Variants in PCDHGA4 observed in about 807,000 individuals in gnomAD.
The protein encoded by PCDHGA4 is protocadherin gamma-A4.
A neutral mutation model predicts 54.6 loss-of-function variants in PCDHGA4; 38 were observed. The observed-to-expected ratio is 0.70, with a 90% CI of 0.54 to 0.91. The LOEUF (loss-of-function observed/expected upper bound fraction) is 0.91, where lower values mean the gene tolerates loss of function less well. Among genes scored for constraint, PCDHGA4 ranks in the 40% least tolerant of loss-of-function variants. The pLI is 0.00. For missense variants in PCDHGA4, 1,298 were observed against 1,220.9 expected (o/e 1.06, Z -0.94); for synonymous variants, 511 against 512.9 (o/e 1.00, Z 0.05).
Position 141,511,042 on chromosome 5 carries a change from G to C in PCDHGA4, c.2758G>C (p.Asp920His), listed in dbSNP as rs774071540. Residue 920 changes from aspartate (D) to histidine (H), a missense_variant, in exon 4 of 4, where the codon GAC becomes CAC. Transcript: ENST00000571252. Reference sequence around the variant, plus strand: ...CCAGTTCACCCTGCAGCACGTGCCCGACTACCGCCAGAATGTCTACATCCC... The same window carrying C: ...CCAGTTCACCCTGCAGCACGTGCCCCACTACCGCCAGAATGTCTACATCCC... ...GPQFTLQHVP[D>H]YRQNVYIPGS... 6.2e-7 allele frequency: 1 copy of C among 1,614,182 alleles called. No homozygotes were observed. Among genetic ancestry groups the C allele is most frequent in the South Asian group, 1.1e-5 (1 of 91,084 alleles).
intron 1 of PCDHGA4, chr5:141,400,105 T>C (rs1282646842): frequency 6.2e-7 from 1 of 1,613,938 alleles, no homozygotes; most frequent in Non-Finnish European, 8.5e-7. Context: ...GCACTTGGTC[T>C]TTGCTGACAG....
intron 1 of PCDHGA4, chr5:141,366,719 G>A: frequency 6.2e-7 from 1 of 1,613,834 alleles, no homozygotes; most frequent in Non-Finnish European, 8.5e-7. Flanking sequence ...GTCTGATAAG[G>A]TAGATGCAAA....
chr5:141,383,234 A>G, intron 1 of PCDHGA4: 2 of 1,613,960 alleles, frequency 1.2e-6, no homozygotes, highest in Non-Finnish European at 1.7e-6. Flanking sequence ...CTGATGGAAG[A>G]TAAAATGAAT....
At chr5:141,390,969 G>A (rs1232299434) in intron 1 of PCDHGA4, 5 of 152,168 alleles carry the variant, frequency 3.3e-5, no homozygotes, top group African/African-American at 4.8e-5. Flanking sequence ...TGTAACATAG[G>A]AGTTTCAGGA....
At chr5:141,372,341 A>T in intron 1 of PCDHGA4, 1 of 1,613,800 alleles carries the variant, frequency 6.2e-7, no homozygotes, top group Non-Finnish European at 8.5e-7. Context: ...TGCGTGATGG[A>T]GGACAGCAGC....
rs1011731430 is a variant in PCDHGA4, at chr5:141,489,676, G to A, written c.2515-5131G>A. 6.2e-7 allele frequency: 1 copy of A among 1,614,158 alleles called. No individual in the cohort carries two copies. The highest frequency in any genetic ancestry group is 8.5e-7 in the Non-Finnish European group (1 of 1,180,008). On this transcript the variant is annotated intron_variant, in intron 1 of 3. Coordinates refer to ENST00000571252, the MANE Select transcript of PCDHGA4 (RefSeq NM_018917.4). This position sits in a 1 kb window ranked among gnomAD's most constrained non-coding sequence, Gnocchi z 4.5. ...GCGAGAGATGCGCATCTCAGAATCAGCAGCATCTGGGGCACGATTCCCACT... is the reference window on the plus strand; with the variant it reads ...GCGAGAGATGCGCATCTCAGAATCAACAGCATCTGGGGCACGATTCCCACT...
intron 1 of PCDHGA4, chr5:141,384,132 C>T (rs1290502346): frequency 6.2e-7 from 1 of 1,611,710 alleles, no homozygotes; most frequent in Non-Finnish European, 8.5e-7. Context: ...AAAACTTGGA[C>T]CGGGAAACAC....
chr5:141,444,467 G>C (rs1288596542), intron 1 of PCDHGA4, among the ~76,000 whole-genome samples: 2 of 151,998 alleles, frequency 1.3e-5, no homozygotes, highest in Admixed American at 6.6e-5. Flanking sequence ...CACTGCGCCC[G>C]GTCGCGTACT....
intron 1 of PCDHGA4, among the ~76,000 whole-genome samples, chr5:141,464,630 T>C (rs981288560): frequency 1.3e-5 from 2 of 152,176 alleles, no homozygotes; most frequent in African/African-American, 4.8e-5. Context: ...AGCTTTTTAA[T>C]TGTTGCCAAC....
intron 1 of PCDHGA4, among the ~76,000 whole-genome samples, chr5:141,488,510 G>A (rs910546464): frequency 1.3e-5 from 2 of 152,152 alleles, no homozygotes; most frequent in Non-Finnish European, 2.9e-5. Context: ...TCCACATTTG[G>A]GGTCTGGGGT....
intron 1 of PCDHGA4, chr5:141,398,283 G>A (rs1470207042): frequency 7.2e-7 from 1 of 1,396,846 alleles, no homozygotes; most frequent in East Asian, 2.5e-5. Context: ...ACCTCGCCAC[G>A]GACCTGGGGT....
intron 1 of PCDHGA4, chr5:141,362,469 A>G (rs1762523966): frequency 6.2e-7 from 1 of 1,613,958 alleles, no homozygotes; most frequent in Admixed American, 1.7e-5. Context: ...TTCCCGCGCA[A>G]GATCTCGTCT....
intron 2 of PCDHGA4, among the ~76,000 whole-genome samples, chr5:141,504,947 A>G (rs1595930930): frequency 6.6e-6 from 1 of 152,200 alleles, no homozygotes; most frequent in Non-Finnish European, 1.5e-5. Context: ...GGAATGCACT[A>G]TGTTCAATGC....
chr5:141,388,698 G>T (rs752631718), intron 1 of PCDHGA4: 2 of 1,613,886 alleles, frequency 1.2e-6, no homozygotes, highest in Admixed American at 1.7e-5. Context: ...CCAGGATGAG[G>T]GTGTCAATGC....
At chr5:141,408,428 A>C (rs1397543407) in intron 1 of PCDHGA4, 1 of 1,614,076 alleles carries the variant, frequency 6.2e-7, no homozygotes, top group South Asian at 1.1e-5. Flanking sequence ...GCTGCACTTC[A>C]GCGTAGACGC....
intron 1 of PCDHGA4, among the ~76,000 whole-genome samples, chr5:141,444,014 T>C (rs2098414038): frequency 6.6e-6 from 1 of 152,122 alleles, no homozygotes; most frequent in Admixed American, 6.6e-5. Flanking sequence ...GGGTATTGGC[T>C]TCTAAAAGGA....
chr5:141,492,552 T>A (rs1444534113), intron 1 of PCDHGA4, among the ~76,000 whole-genome samples: 1 of 152,084 alleles, frequency 6.6e-6, no homozygotes, highest in African/African-American at 2.4e-5. Context: ...CCGGGTCGCC[T>A]GGGGGGCGGC....
intron 1 of PCDHGA4, among the ~76,000 whole-genome samples, chr5:141,436,781 A>T (rs1041532929): frequency 6.6e-6 from 1 of 152,236 alleles, no homozygotes; most frequent in Non-Finnish European, 1.5e-5. Context: ...TGTGGATGGA[A>T]ATAAAACTGT....
intron 1 of PCDHGA4, chr5:141,410,343 G>A (rs890241182): frequency 6.2e-7 from 1 of 1,613,964 alleles, no homozygotes; most frequent in Non-Finnish European, 8.5e-7. Flanking sequence ...ATTGCCTTGC[G>A]CCTGCGACGC....
Sources: gnomAD v4.1 joint callset for allele counts (sites outside exome capture counted in the v4.1 genomes callset) on GRCh38, gnomAD v4.1.1 for gene constraint, Gnocchi (gnomAD v3.1) non-coding constraint, MANE v1.5 for transcripts, NCBI Gene and HGNC (gene_info 2026-07-23, HGNC 2026-07-21) for gene names.